The following HCN1 variants were observed in gnomAD, a reference collection of about 807,000 sequenced individuals.
The protein encoded by HCN1 is potassium/sodium hyperpolarization-activated cyclic nucleotide-gated channel 1.
A neutral mutation model predicts 78.9 loss-of-function variants in HCN1; 13 were observed. That is an observed-to-expected ratio of 0.16 (90% CI 0.11 to 0.26). The LOEUF is 0.26. HCN1 is among the 10% of genes least tolerant of loss of function. The probability of loss-of-function intolerance (pLI) is 1.00; values close to 1 mark genes in which losing one functional copy is unlikely to be tolerated. For synonymous variants in HCN1, 552 were observed against 455.5 expected (o/e 1.21, Z -2.70); for missense variants, 810 against 1,154.3 (o/e 0.70, Z 4.32).
chr5:45,494,049 C>T lies in HCN1; in HGVS notation c.850-32042G>A, dbSNP rs898011686. Among the ~76,000 whole-genome samples, 397 of 152,028 alleles carry T rather than the reference C, an allele frequency of 2.6e-3. 1 individual carries two copies. The highest frequency in any genetic ancestry group is 4.0e-3 in the Non-Finnish European group (272 of 67,964). On this transcript the variant is annotated intron_variant, in intron 2 of 7. Transcript: ENST00000303230. ...AAGTCTTTGCTATTGTGAATAATGC[C>T]GCAATAAACATACGTGTGCATGTGT...
chr5:45,686,345 GTTTC>G (rs768252953), intron 1 of HCN1, among the ~76,000 whole-genome samples: 2 of 150,812 alleles, frequency 1.3e-5, no homozygotes, highest in South Asian at 2.1e-4. Flanking sequence ...CACCATAATT[GTTTC>G]TTTTAGTGTT....
chr5:45,460,442 A>G (rs1269536976), intron 3 of HCN1, among the ~76,000 whole-genome samples: 1 of 152,124 alleles, frequency 6.6e-6, no homozygotes, highest in Non-Finnish European at 1.5e-5. Context: ...TACCCAGTCC[A>G]TAGTATTCTA....
At chr5:45,550,102 G>C (rs1372315151) in intron 2 of HCN1, among the ~76,000 whole-genome samples, 3 of 152,000 alleles carry the variant, frequency 2.0e-5, no homozygotes, top group Middle Eastern at 6.3e-3. Flanking sequence ...ATTCCTCAGG[G>C]ATCTAGAACT....
chr5:45,372,921 CACGTATTTTATACATAAAAATATAT>C (rs1561128941), intron 4 of HCN1, among the ~76,000 whole-genome samples: 1 of 138,108 alleles, frequency 7.2e-6, no homozygotes, highest in Non-Finnish European at 1.5e-5. Context: ...TAAAAATATA[CACGTATTTTATACATAAAAATATAT>C]AAGTATTTTA....
At chr5:45,492,222 T>C (rs1047661179) in intron 2 of HCN1, among the ~76,000 whole-genome samples, 2 of 151,194 alleles carry the variant, frequency 1.3e-5, no homozygotes, top group African/African-American at 4.9e-5. Flanking sequence ...GAATAAGCAC[T>C]AGAGATGCAC....
In HCN1 at chr5:45,361,329, C is replaced by T. The variant is rs1055407577; in HGVS notation, c.1231-8083G>A. On this transcript the variant is annotated intron_variant, in intron 4 of 7. Coordinates refer to ENST00000303230, the MANE Select transcript of HCN1 (RefSeq NM_021072.4). Reference sequence around the variant, plus strand: ...TAGCTGAGATTACAGGCATGCACCACCACGCCCAGCTAATTGTGTACTTTC... The same window carrying T: ...TAGCTGAGATTACAGGCATGCACCATCACGCCCAGCTAATTGTGTACTTTC... Among the ~76,000 whole-genome samples the T allele has an allele frequency of 1.6e-4, 25 of 152,212 alleles. 1 individual carries two copies. The highest frequency in any genetic ancestry group is 5.8e-4 in the African/African-American group (24 of 41,554).
In HCN1 at chr5:45,256,604, A is replaced by C. The variant is rs549870215; in HGVS notation, c.*5317T>G. The stretch of plus-strand genomic sequence containing the variant: ...GAGTGCAGTGGAACGAACAGGGCTC[A>C]CTGCAGCCTTGACCTCCTAAGTTCA... On this transcript the variant is annotated 3_prime_UTR_variant, in exon 8 of 8. Transcript: ENST00000303230. The C allele has an allele frequency of 5.3e-5, 8 of 152,288 alleles. No individual in the cohort carries two copies. Among genetic ancestry groups the C allele is most frequent in the Admixed American group, 4.6e-4 (7 of 15,294 alleles). 9.4% of individuals were successfully genotyped at this position (152,288 alleles called of 1,614,324 possible).
intron 1 of HCN1, among the ~76,000 whole-genome samples, chr5:45,650,778 C>T (rs778380006): frequency 2.0e-5 from 3 of 151,856 alleles, no homozygotes; most frequent in Non-Finnish European, 4.4e-5. Flanking sequence ...CAAATTCAGT[C>T]ATACTTTTTT....
intron 1 of HCN1, among the ~76,000 whole-genome samples, chr5:45,657,333 T>C (rs1353397782): frequency 2.0e-5 from 3 of 152,182 alleles, no homozygotes; most frequent in African/African-American, 7.2e-5. Flanking sequence ...TAACAAGAAA[T>C]GTTTTTGTCC....
At chr5:45,373,158 T>A (rs1215744083) in intron 4 of HCN1, among the ~76,000 whole-genome samples, 2 of 125,194 alleles carry the variant, frequency 1.6e-5, no homozygotes, top group Admixed American at 9.2e-5. Flanking sequence ...TATATAAAAA[T>A]ATATGTACTT....
intron 2 of HCN1, among the ~76,000 whole-genome samples, chr5:45,580,864 G>A (rs905340993): frequency 2.6e-5 from 4 of 152,110 alleles, no homozygotes; most frequent in South Asian, 2.1e-4. Flanking sequence ...CAAAGGACAT[G>A]AACTCATCCT....
intron 4 of HCN1, among the ~76,000 whole-genome samples, chr5:45,375,065 T>A (rs947962798): frequency 2.4e-5 from 3 of 124,194 alleles, no homozygotes; most frequent in Non-Finnish European, 4.8e-5. Context: ...TATATATATA[T>A]ATAATATATT....
chr5:45,602,917 T>C (rs960283038), intron 2 of HCN1, among the ~76,000 whole-genome samples: 1 of 152,086 alleles, frequency 6.6e-6, no homozygotes, highest in African/African-American at 2.4e-5. Flanking sequence ...TCAGAAGCAA[T>C]CTGAACCCAC....
intron 3 of HCN1, among the ~76,000 whole-genome samples, chr5:45,419,261 T>C (rs565751285): frequency 6.6e-6 from 1 of 152,248 alleles, no homozygotes; most frequent in Admixed American, 6.5e-5. Context: ...AGTAACTGCT[T>C]ACCCAGTACC....
chr5:45,535,503 C>G (rs1040779002), intron 2 of HCN1, among the ~76,000 whole-genome samples: 1 of 151,990 alleles, frequency 6.6e-6, no homozygotes, highest in Non-Finnish European at 1.5e-5. Flanking sequence ...GTGGCTGAGG[C>G]AGGAGAATCG....
chr5:45,586,247 G>A (rs979397354), intron 2 of HCN1, among the ~76,000 whole-genome samples: 4 of 152,128 alleles, frequency 2.6e-5, no homozygotes, highest in Admixed American at 2.0e-4. Context: ...CCCCAACCTC[G>A]CTGCCGCCTT....
intron 6 of HCN1, among the ~76,000 whole-genome samples, chr5:45,269,420 G>C (rs1330757215): frequency 1.3e-5 from 2 of 151,622 alleles, no homozygotes; most frequent in Non-Finnish European, 2.9e-5. Flanking sequence ...CTTTACTCTG[G>C]AAACATTGTT....
intron 1 of HCN1, among the ~76,000 whole-genome samples, chr5:45,657,557 T>A (rs1047161485): frequency 2.0e-5 from 3 of 152,168 alleles, no homozygotes; most frequent in African/African-American, 7.2e-5. Flanking sequence ...GCAAAAAGGT[T>A]TTGTAATTTG....
intron 5 of HCN1, among the ~76,000 whole-genome samples, chr5:45,314,597 T>A (rs1349241890): frequency 6.6e-6 from 1 of 152,170 alleles, no homozygotes; most frequent in Non-Finnish European, 1.5e-5. Flanking sequence ...GACCCATCAG[T>A]GTGCTATATT....
Sources: gnomAD v4.1 joint callset for allele counts (sites outside exome capture counted in the v4.1 genomes callset) on GRCh38, gnomAD v4.1.1 for gene constraint, MANE v1.5 for transcripts, NCBI Gene and HGNC (gene_info 2026-07-23, HGNC 2026-07-21) for gene names.